The following GBE1 variants were observed in gnomAD, a reference collection of about 807,000 sequenced individuals.
The protein encoded by GBE1 is 1,4-alpha-glucan branching enzyme 1, also known as 1,4-alpha-glucan-branching enzyme.
GBE1 carries 70 observed loss-of-function variants against 88.8 expected under a neutral mutation model. The observed-to-expected ratio is 0.79, with a 90% CI of 0.65 to 0.96. The LOEUF is 0.96. Ranked by LOEUF, GBE1 falls within the 40% of genes least tolerant of loss-of-function variation. The probability of loss-of-function intolerance (pLI) is 0.00; values close to 1 mark genes in which losing one functional copy is unlikely to be tolerated. For missense variants in GBE1, 872 were observed against 871.0 expected (o/e 1.00, Z -0.01); for synonymous variants, 284 against 300.1 (o/e 0.95, Z 0.56).
At position 81,685,364 on chromosome 3, in the gene GBE1, T is replaced by C. The variant is rs978537398; in HGVS notation, c.314-14411A>G. Among the ~76,000 whole-genome samples, 11 of 152,230 alleles carry C rather than the reference T, an allele frequency of 7.2e-5. No individual in the cohort carries two copies. In the East Asian group the frequency reaches 2.1e-3, roughly 29 times the overall value. On this transcript the variant is annotated intron_variant, in intron 2 of 15. Coordinates refer to ENST00000429644, the MANE Select transcript of GBE1 (RefSeq NM_000158.4). ...TTGTTTTTGTTTGTTTTTCTCTTGT[T>C]CAAGGCTAATTCCTTGATTCCATTT...
At chr3:81,594,189 TG>T (rs1427711271) in intron 7 of GBE1, among the ~76,000 whole-genome samples, 166 bp from the exon 8 acceptor site, 4 of 152,152 alleles carry the variant, frequency 2.6e-5, no homozygotes, top group African/African-American at 9.7e-5. Flanking sequence ...GAATCTCAGT[TG>T]GTTGATGAAA....
intron 9 of GBE1, among the ~76,000 whole-genome samples, chr3:81,587,675 A>G (rs1703819547): frequency 6.6e-6 from 1 of 152,182 alleles, no homozygotes; most frequent in Non-Finnish European, 1.5e-5. Flanking sequence ...GTTCACCGAT[A>G]TACCCTAAGA....
chr3:81,737,319 A>ATT (rs1376345198), intron 1 of GBE1, among the ~76,000 whole-genome samples: 7 of 110,356 alleles, frequency 6.3e-5, no homozygotes, highest in African/African-American at 2.9e-4. Context: ...ATTTATATAT[A>ATT]TTTATATATA....
At chr3:81,501,095 C>T (rs1343715434) in intron 14 of GBE1, among the ~76,000 whole-genome samples, 2 of 152,130 alleles carry the variant, frequency 1.3e-5, no homozygotes, top group African/African-American at 2.4e-5. Context: ...CATGTACCCC[C>T]TGAACCTAAA....
chr3:81,662,900 G>T (rs1705050337), intron 3 of GBE1, among the ~76,000 whole-genome samples: 1 of 152,106 alleles, frequency 6.6e-6, no homozygotes, highest in African/African-American at 2.4e-5. Flanking sequence ...CATGGTTAAT[G>T]AACTCATATA....
rs112550423 is a variant in GBE1 at position 81,612,928 on chromosome 3, A to G, written c.993-18905T>C. ...CCTGATATGGATGATGAAGAAGGAA[A>G]AGGAGAAAAAGATGATGATGATGAT... is the stretch of plus-strand genomic sequence containing the variant. On this transcript the variant is annotated intron_variant, in intron 7 of 15. Transcript: ENST00000429644. 29 of 390,254 alleles carry G rather than the reference A, an allele frequency of 7.4e-5. 1 individual carries two copies. The highest frequency in any genetic ancestry group is 3.2e-4 in the African/African-American group (15 of 47,162). The allele number at this position is 390,254 out of a possible 1,614,324, so 24.2% of individuals were successfully genotyped here. A position where few individuals can be genotyped will look rare whatever the true frequency, so the allele number is the denominator to read the frequency against.
At chr3:81,726,531 A>C (rs1361925122) in intron 1 of GBE1, among the ~76,000 whole-genome samples, 1 of 150,628 alleles carries the variant, frequency 6.6e-6, no homozygotes, top group Non-Finnish European at 1.5e-5. Flanking sequence ...GGTGTATCTT[A>C]TTGTACTTTA....
intron 12 of GBE1, among the ~76,000 whole-genome samples, chr3:81,560,750 G>A (rs1003599821): frequency 2.0e-5 from 3 of 151,920 alleles, no homozygotes; most frequent in African/African-American, 7.2e-5. Context: ...GTGTGCAAAC[G>A]AAGTTGAAAA....
chr3:81,614,661 C>G (rs1391562814), intron 7 of GBE1, among the ~76,000 whole-genome samples: 1 of 151,976 alleles, frequency 6.6e-6, no homozygotes, highest in Non-Finnish European at 1.5e-5. Context: ...AGATCCAGAC[C>G]AGCCTGGCCA....
intron 1 of GBE1, among the ~76,000 whole-genome samples, chr3:81,735,455 C>T (rs752335045): frequency 6.6e-6 from 1 of 152,098 alleles, no homozygotes; most frequent in Non-Finnish European, 1.5e-5. Flanking sequence ...AAAATTCTGC[C>T]AATTTCCAGG....
At chr3:81,604,170 G>GT (rs1559659728) in intron 7 of GBE1, among the ~76,000 whole-genome samples, 4 of 151,748 alleles carry the variant, frequency 2.6e-5, no homozygotes, top group Non-Finnish European at 1.5e-5. Context: ...GTTAAGAACC[G>GT]TATCTTGTGC....
At position 81,729,649 on chromosome 3, in the gene GBE1, AAC is replaced by A. The variant is rs1305114153; in HGVS notation, c.144-24038_144-24037del. Among the ~76,000 whole-genome samples the A allele has an allele frequency of 4.6e-5, 7 of 152,278 alleles. No homozygotes were observed. The East Asian group carries it at 1.2e-3, about 25-fold the overall frequency. On this transcript the variant is annotated intron_variant, in intron 1 of 15. Coordinates refer to ENST00000429644, the MANE Select transcript of GBE1 (RefSeq NM_000158.4). Reference sequence around the variant, plus strand: ...ATGCCCATATAAATACCCATCATAGAACACACAGGCAGGAGTGGCCTCTTAGA... The same window carrying A: ...ATGCCCATATAAATACCCATCATAGAACACAGGCAGGAGTGGCCTCTTAGA...
At chr3:81,695,977 T>C (rs933294443) in intron 2 of GBE1, among the ~76,000 whole-genome samples, 1 of 152,232 alleles carries the variant, frequency 6.6e-6, no homozygotes, top group Non-Finnish European at 1.5e-5. Flanking sequence ...AATACTTTCA[T>C]AGTTTTACAT....
At chr3:81,720,778 A>G (rs192441927) in intron 1 of GBE1, among the ~76,000 whole-genome samples, 2 of 151,642 alleles carry the variant, frequency 1.3e-5, no homozygotes, top group African/African-American at 2.4e-5. Context: ...ACTATTCACA[A>G]TAGCAAAGAC....
chr3:81,574,349 CTT>C (rs1703616468), intron 12 of GBE1, among the ~76,000 whole-genome samples: 1 of 152,124 alleles, frequency 6.6e-6, no homozygotes, highest in African/African-American at 2.4e-5. Flanking sequence ...CCTGCAAATA[CTT>C]TGTGTTTTAT....
intron 1 of GBE1, among the ~76,000 whole-genome samples, chr3:81,723,950 C>T (rs1309722711): frequency 6.6e-6 from 1 of 152,170 alleles, no homozygotes; most frequent in East Asian, 1.9e-4. Flanking sequence ...GAGCTTTGGT[C>T]CTGTGTTTGC....
chr3:81,573,690 AAATT>A (rs1703604681), intron 12 of GBE1, among the ~76,000 whole-genome samples: 1 of 152,138 alleles, frequency 6.6e-6, no homozygotes, highest in Non-Finnish European at 1.5e-5. Flanking sequence ...TTTATAGTTT[AAATT>A]AATATACACC....
In GBE1 at chr3:81,761,398, G is replaced by C; in HGVS notation, c.120C>G (p.Pro40=). The C allele has an allele frequency of 6.2e-7, 1 of 1,612,828 alleles. No homozygotes were observed. Among genetic ancestry groups the C allele is most frequent in the South Asian group, 1.1e-5 (1 of 91,072 alleles). The change falls in exon 1 of 16, where the codon CCC becomes CCG. Residue 40 remains proline (P), a synonymous_variant. Coordinates refer to ENST00000429644, the MANE Select transcript of GBE1 (RefSeq NM_000158.4). ...RLLEIDPYLK[P]YAVDFQRRYK... is the part of the protein sequence containing the mutation. ...ACCTGCGCTGGAAGTCCACGGCGTA[G>C]GGCTTCAAGTACGGGTCGATCTCCA... is the stretch of plus-strand genomic sequence containing the variant.
chr3:81,642,976 G>T lies in GBE1; in HGVS notation c.797C>A (p.Pro266His), dbSNP rs1450426870. ...GTCTACCAGTTCTTGTAGCTCTTCA[G>T]GTGTTCCATAACGGCTAACAATGAA... ...FFAASSRYGT[P>H]EELQELVDTA... The change falls in exon 7 of 16, where the codon CCT (proline) becomes CAT (histidine). Residue 266 changes from proline to histidine, a missense_variant. By Grantham distance (77) the Pro-to-His change is moderately conservative. Transcript: ENST00000429644. 4 of 1,609,004 alleles carry T rather than the reference G, an allele frequency of 2.5e-6. No homozygotes were observed. Among genetic ancestry groups the T allele is most frequent in the Non-Finnish European group, 3.4e-6 (4 of 1,176,844 alleles).
Sources: gnomAD v4.1 joint callset for allele counts (sites outside exome capture counted in the v4.1 genomes callset) on GRCh38, gnomAD v4.1.1 for gene constraint, MANE v1.5 for transcripts, NCBI Gene and HGNC (gene_info 2026-07-23, HGNC 2026-07-21) for gene names.